The following DNMT1 variants were observed in gnomAD, a reference collection of about 807,000 sequenced individuals.
The protein encoded by DNMT1 is DNA (cytosine-5)-methyltransferase 1.
A neutral mutation model predicts 205.3 loss-of-function variants in DNMT1; 24 were observed. The observed-to-expected ratio is 0.12, with a 90% CI of 0.08 to 0.16. The LOEUF (loss-of-function observed/expected upper bound fraction) is 0.16. Among genes scored for constraint, DNMT1 ranks in the 10% least tolerant of loss-of-function variants. DNMT1 has a pLI of 1.00. For synonymous variants in DNMT1, 817 were observed against 839.8 expected (o/e 0.97, Z 0.47); for missense variants, 1,293 against 2,177.7 (o/e 0.59, Z 8.09).
intron 1 of DNMT1, among the ~76,000 whole-genome samples, chr19:10,186,838 C>CAAAAAAAAAAAAAAAAAAA (rs35238334): frequency 3.5e-4 from 25 of 70,676 alleles, no homozygotes; most frequent in African/African-American, 1.1e-3. Context: ...AACTCCGTCT[C>CAAAAAAAAAAAAAAAAAAA]AAAAAAAAAA....
chr19:10,183,536 T>A (rs1314363546), intron 1 of DNMT1, among the ~76,000 whole-genome samples: 1 of 152,140 alleles, frequency 6.6e-6, no homozygotes, highest in Non-Finnish European at 1.5e-5. Flanking sequence ...CTGGGAAACA[T>A]GGCGAAACTC....
rs1261070922 is a variant in DNMT1, at chr19:10,138,799, A to G, written c.3949-194T>C. 6.6e-6 allele frequency among the ~76,000 whole-genome samples: 1 copy of G among 152,230 alleles called. No homozygotes were observed. Among genetic ancestry groups the G allele is most frequent in the Non-Finnish European group, 1.5e-5 (1 of 68,032 alleles). ...TTTGGAGCAGATAAAGAACAAAAGC[A>G]GCTGAGCCCAGGGGACAGCCACTGG... On this transcript the variant is annotated intron_variant, in intron 34 of 40. Transcript: ENST00000359526. This position sits in a 1 kb window ranked among gnomAD's most constrained non-coding sequence, Gnocchi z 4.1.
At chr19:10,179,397 A>C (rs1183035950) in intron 5 of DNMT1, among the ~76,000 whole-genome samples, 4 of 151,654 alleles carry the variant, frequency 2.6e-5, no homozygotes, top group Non-Finnish European at 5.9e-5. Context: ...CACGTCTGGC[A>C]AATTTTTTGT....
At chr19:10,180,679 C>T in intron 3 of DNMT1, 99 bp downstream of exon 3, 1 of 1,444,352 alleles carries the variant, frequency 6.9e-7, no homozygotes, top group Non-Finnish European at 9.6e-7. Context: ...CATCATCAGG[C>T]AATGAGGACA....
At position 10,137,365 on chromosome 19, in the gene DNMT1, G is replaced by A; in HGVS notation, c.4294-85C>T. 1 of 1,501,668 alleles carries A rather than the reference G, an allele frequency of 6.7e-7. No homozygotes were observed. The allele number at this position is 1,501,668 out of a possible 1,614,324, so 93.0% of individuals were successfully genotyped here. A position where few individuals can be genotyped will look rare whatever the true frequency, so the allele number is the denominator to read the frequency against. The stretch of plus-strand genomic sequence containing the variant: ...GTGGGCTGGGAGCTGGGAACACCAT[G>A]GTGACCAGGAAGCCCCCTGGGGCTC... On this transcript the variant is annotated intron_variant, in intron 36 of 40. Transcript: ENST00000359526. This position sits in a 1 kb window ranked among gnomAD's most constrained non-coding sequence, Gnocchi z 6.4.
intron 39 of DNMT1, among the ~76,000 whole-genome samples, chr19:10,135,100 T>C (rs564280692): frequency 6.7e-6 from 1 of 149,050 alleles, no homozygotes; most frequent in East Asian, 2.0e-4. Flanking sequence ...TAATCCCAGC[T>C]ACTCAAGAGG....
Position 10,140,957 on chromosome 19 carries a change from C to A in DNMT1, c.3395-48G>T. The stretch of plus-strand genomic sequence containing the variant: ...TAAACCCGATCCTCAGAGTCCAAGT[C>A]CACCTTGCTCTCAAGCGCCTTGTTA... On this transcript the variant is annotated intron_variant, in intron 31 of 40. Coordinates refer to ENST00000359526, the MANE Select transcript of DNMT1 (RefSeq NM_001130823.3). The surrounding 1 kb of genome is among the most constrained non-coding windows in gnomAD (Gnocchi z 8.4). 1.2e-6 allele frequency: 2 copies of A among 1,613,694 alleles called. No homozygotes were observed. Among genetic ancestry groups the A allele is most frequent in the South Asian group, 2.2e-5 (2 of 91,038 alleles).
Position 10,145,148 on chromosome 19 carries a change from G to A in DNMT1, c.2895-1161C>T, listed in dbSNP as rs2038171761. Reference sequence around the variant, plus strand: ...GGACAATGGGAGTGTGGTCTGACTAGTGTGGAAAAGCTGTTCTTTGAAGAA... The same window carrying A: ...GGACAATGGGAGTGTGGTCTGACTAATGTGGAAAAGCTGTTCTTTGAAGAA... On this transcript the variant is annotated intron_variant, in intron 28 of 40. Transcript: ENST00000359526. Among the ~76,000 whole-genome samples the A allele has an allele frequency of 2.6e-5, 4 of 152,240 alleles. No individual in the cohort carries two copies. The South Asian group carries it at 8.3e-4, about 31-fold the overall frequency.
At chr19:10,143,644 G>A (rs1393082535) in intron 29 of DNMT1, 122 bp downstream of exon 29, 10 of 1,136,930 alleles carry the variant, frequency 8.8e-6, no homozygotes, top group Non-Finnish European at 1.3e-5. Context: ...GAAACACTTG[G>A]AAAAACAGCT....
chr19:10,168,487 T>C, intron 9 of DNMT1, 123 bp from the exon 10 acceptor site: 1 of 973,812 alleles, frequency 1.0e-6, no homozygotes, highest in Non-Finnish European at 1.6e-6. Context: ...GAGTAAAGAC[T>C]GTCTACCAGT....
chr19:10,138,888 AGGTCTTAGCACTCG>A lies in DNMT1; in HGVS notation c.3949-297_3949-284del, dbSNP rs1025472757. ...CTCTGAAAGCACTGCAAGGGCCCCA[AGGTCTTAGCACTCG>A]GGGAGAACACTGGAGACCAGGAGCC... On this transcript the variant is annotated intron_variant, in intron 34 of 40. Coordinates refer to ENST00000359526, the MANE Select transcript of DNMT1 (RefSeq NM_001130823.3). This position sits in a 1 kb window ranked among gnomAD's most constrained non-coding sequence, Gnocchi z 4.1. Among the ~76,000 whole-genome samples, 2 of 152,194 alleles carry A rather than the reference AGGTCTTAGCACTCG, an allele frequency of 1.3e-5. No individual in the cohort carries two copies. The highest frequency in any genetic ancestry group is 2.9e-5 in the Non-Finnish European group (2 of 68,028).
chr19:10,152,758 TCAACAACAACAA>T (rs372179811), intron 22 of DNMT1, among the ~76,000 whole-genome samples: 10 of 150,636 alleles, frequency 6.6e-5, no homozygotes, highest in East Asian at 3.9e-4. Context: ...GAGACCCATC[TCAACAACAACAA>T]CAACAACAAC....
chr19:10,185,836 C>T (rs1217449151), intron 1 of DNMT1, among the ~76,000 whole-genome samples: 1 of 136,434 alleles, frequency 7.3e-6, no homozygotes, highest in Non-Finnish European at 1.5e-5. Flanking sequence ...AAGACCCTGT[C>T]TCAAAAGAAA....
Position 10,159,819 on chromosome 19 carries a change from G to A in DNMT1, c.1170+23C>T, listed in dbSNP as rs369320942. On this transcript the variant is annotated intron_variant, in intron 16 of 40. Coordinates refer to ENST00000359526, the MANE Select transcript of DNMT1 (RefSeq NM_001130823.3). The surrounding 1 kb of genome is among the most constrained non-coding windows in gnomAD (Gnocchi z 5.0). ...TGGGACAAGGGACAGGCAGAGGAAGGCTGGGAAGAGAGCTGTACGTACCGC... is the reference window on the plus strand; with the variant it reads ...TGGGACAAGGGACAGGCAGAGGAAGACTGGGAAGAGAGCTGTACGTACCGC... 6.8e-5 allele frequency: 110 copies of A among 1,614,106 alleles called. No homozygotes were observed. In the African/African-American group the frequency reaches 1.4e-3, roughly 20 times the overall value.
rs2089592046 is a variant in DNMT1, at chr19:10,141,127, G to A, written c.3372C>T (p.Asn1124=). ...DPPNHARSPG[N]KGKGKGKGKG... ...TACCTTTTCCCTTGCCCTTCCCTTT[G>A]TTTCCAGGGCTACGGGCATGGTTGG... Residue 1124 remains asparagine (N), a synonymous_variant, in exon 31 of 41, where the codon AAC becomes AAT. Coordinates refer to ENST00000359526, the MANE Select transcript of DNMT1 (RefSeq NM_001130823.3). The A allele has an allele frequency of 6.2e-7, 1 of 1,614,042 alleles. No homozygotes were observed. Among genetic ancestry groups the A allele is most frequent in the Non-Finnish European group, 8.5e-7 (1 of 1,180,032 alleles).
chr19:10,193,747 G>A (rs914054776), intron 1 of DNMT1, among the ~76,000 whole-genome samples: 2 of 151,820 alleles, frequency 1.3e-5, no homozygotes, highest in South Asian at 4.2e-4. Flanking sequence ...AATCAGAACC[G>A]GACTGGCCCA....
Position 10,148,895 on chromosome 19 carries a change from G to A in DNMT1, c.2709C>T (p.Asp903=), listed in dbSNP as rs1599358423. The change falls in exon 27 of 41, where the codon GAC becomes GAT. Residue 903 remains aspartate, a synonymous_variant. Transcript: ENST00000359526. ...GCCCCAGTGCTCACTTGAACTTGTT[G>A]TCCTCTGTTGGCTGGGTTTTTGGAG... ...ESPPKTQPTE[D]NKFKFCVSCA... is the part of the protein sequence containing the mutation. 1 of 1,614,076 alleles carries A rather than the reference G, an allele frequency of 6.2e-7. No individual in the cohort carries two copies. Among genetic ancestry groups the A allele is most frequent in the Non-Finnish European group, 8.5e-7 (1 of 1,180,042 alleles).
intron 30 of DNMT1, 164 bp downstream of exon 30, chr19:10,141,864 G>A: frequency 1.3e-6 from 1 of 747,610 alleles, no homozygotes; most frequent in Non-Finnish European, 2.1e-6. Context: ...ACCCTGCTCA[G>A]ACCCCCGTAA....
Position 10,137,952 on chromosome 19 carries a change from C to T in DNMT1, c.4173G>A (p.Pro1391=), listed in dbSNP as rs550868730. 180 of 1,611,714 alleles carry T rather than the reference C, an allele frequency of 1.1e-4. No individual in the cohort carries two copies. The highest frequency in any genetic ancestry group is 1.7e-4 in the Middle Eastern group (1 of 6,058). The change falls in exon 36 of 41, where the codon CCG becomes CCA. Residue 1391 remains proline (P), a synonymous_variant. Transcript: ENST00000359526. The surrounding 1 kb of genome is among the most constrained non-coding windows in gnomAD (Gnocchi z 6.4). ...GTGCCGAGGCTCCATTCCGCACCTC[C>T]GGCAGGTCGGACATCGTGTCTCGCA... The part of the protein sequence containing the change: ...ITVRDTMSDL[P]EVRNGASALE...
Sources: allele counts gnomAD v4.1 joint callset (sites outside exome capture counted in the v4.1 genomes callset), GRCh38; gene constraint gnomAD v4.1.1; non-coding constraint Gnocchi (gnomAD v3.1); transcripts MANE v1.5; gene names NCBI Gene and HGNC (gene_info 2026-07-23, HGNC 2026-07-21).